The following FHIT variants were observed in gnomAD, a reference collection of about 807,000 sequenced individuals.
The protein encoded by FHIT is fragile histidine triad diadenosine triphosphatase.
A neutral mutation model predicts 17.9 loss-of-function variants in FHIT; 19 were observed. That is an observed-to-expected ratio of 1.06 (90% CI 0.74 to 1.56). The LOEUF (loss-of-function observed/expected upper bound fraction) is 1.56. Among genes scored for constraint, FHIT ranks in the 40% most tolerant of loss-of-function variants. The pLI is 0.00. For synonymous variants in FHIT, 81 were observed against 69.7 expected (o/e 1.16, Z -0.81); for missense variants, 248 against 189.2 (o/e 1.31, Z -1.82).
At chr3:60,284,580 C>T (rs924942822) in intron 5 of FHIT, among the ~76,000 whole-genome samples, 3 of 152,072 alleles carry the variant, frequency 2.0e-5, no homozygotes, top group Admixed American at 1.3e-4. Context: ...TAAAGAGCTA[C>T]ACTTTTTTAA....
At chr3:59,908,011 A>C (rs1170855312) in intron 8 of FHIT, among the ~76,000 whole-genome samples, 1 of 152,196 alleles carries the variant, frequency 6.6e-6, no homozygotes, top group Non-Finnish European at 1.5e-5. Flanking sequence ...TATTGAGTCC[A>C]CTTGGATAAT....
intron 8 of FHIT, among the ~76,000 whole-genome samples, chr3:59,904,749 A>G (rs1351205672): frequency 1.3e-5 from 2 of 152,200 alleles, no homozygotes; most frequent in South Asian, 4.1e-4. Context: ...TGAGTGACGA[A>G]AACAGTTTTT....
At chr3:59,751,586 T>C (rs924774556) in intron 9 of FHIT, 3 of 193,494 alleles carry the variant, frequency 1.6e-5, no homozygotes, top group Non-Finnish European at 3.1e-5. Flanking sequence ...GCTATAGCTA[T>C]CTTTCTACCA....
chr3:60,853,803 C>T (rs1321998166), intron 3 of FHIT, among the ~76,000 whole-genome samples: 1 of 152,052 alleles, frequency 6.6e-6, no homozygotes, highest in African/African-American at 2.4e-5. Flanking sequence ...TAATCACCAA[C>T]AATAAAGCTT....
At chr3:60,357,541 G>A (rs181538489) in intron 5 of FHIT, among the ~76,000 whole-genome samples, 24 of 152,104 alleles carry the variant, frequency 1.6e-4, no homozygotes, top group African/African-American at 5.5e-4. Context: ...CACCACGCCC[G>A]GCCCAATATC....
At chr3:60,052,386 C>T (rs1369245753) in intron 5 of FHIT, among the ~76,000 whole-genome samples, 1 of 152,168 alleles carries the variant, frequency 6.6e-6, no homozygotes, top group Non-Finnish European at 1.5e-5. Flanking sequence ...ATCCTAGAGT[C>T]CTTAGAATCT....
intron 2 of FHIT, among the ~76,000 whole-genome samples, chr3:61,044,264 T>C (rs1003980436): frequency 2.0e-5 from 3 of 152,140 alleles, no homozygotes; most frequent in Admixed American, 6.6e-5. Flanking sequence ...CTAACTAGAA[T>C]AACCAGTGTA....
chr3:60,477,528 T>C (rs777952582), intron 5 of FHIT, among the ~76,000 whole-genome samples: 22 of 152,142 alleles, frequency 1.4e-4, no homozygotes, highest in Non-Finnish European at 3.2e-4. Flanking sequence ...ATGTAATAAT[T>C]TCTATAGATC....
At chr3:59,957,139 G>A (rs12490649) in intron 7 of FHIT, among the ~76,000 whole-genome samples, 7 of 152,134 alleles carry the variant, frequency 4.6e-5, no homozygotes, top group Non-Finnish European at 1.5e-5. Flanking sequence ...CTCATCCCCA[G>A]TACCTCTCAA....
chr3:61,053,931 A>G (rs953891412), intron 2 of FHIT, among the ~76,000 whole-genome samples: 6 of 152,238 alleles, frequency 3.9e-5, no homozygotes. Flanking sequence ...GGCAGTGAGC[A>G]TAATGGCTGG....
chr3:60,522,134 A>G (rs1459243978), intron 5 of FHIT, among the ~76,000 whole-genome samples: 1 of 145,948 alleles, frequency 6.9e-6, no homozygotes, highest in East Asian at 2.0e-4. Flanking sequence ...TCTGACACAG[A>G]GTCTTGCTCT....
chr3:59,789,354 A>G (rs969652622), intron 8 of FHIT, among the ~76,000 whole-genome samples: 7 of 152,224 alleles, frequency 4.6e-5, no homozygotes, highest in African/African-American at 1.7e-4. Context: ...TAAGCTGCAC[A>G]TTTCACGTTC....
chr3:60,837,646 T>C (rs1428098176), intron 3 of FHIT, among the ~76,000 whole-genome samples: 1 of 152,154 alleles, frequency 6.6e-6, no homozygotes, highest in Non-Finnish European at 1.5e-5. Context: ...CCATTTTATT[T>C]TTTGTTTATT....
chr3:60,224,941 G>A (rs1050142176), intron 5 of FHIT, among the ~76,000 whole-genome samples: 1 of 151,804 alleles, frequency 6.6e-6, no homozygotes, highest in Non-Finnish European at 1.5e-5. Flanking sequence ...GACTGGTCTC[G>A]AACTCCTGAC....
chr3:60,871,018 A>G (rs998460826), intron 3 of FHIT, among the ~76,000 whole-genome samples: 6 of 152,136 alleles, frequency 3.9e-5, no homozygotes, highest in African/African-American at 7.2e-5. Flanking sequence ...TTTTCTAAAA[A>G]GATGGCACAA....
intron 4 of FHIT, among the ~76,000 whole-genome samples, chr3:60,801,224 T>C (rs1553732142): frequency 1.3e-5 from 2 of 152,196 alleles, no homozygotes; most frequent in African/African-American, 2.4e-5. Flanking sequence ...TCAGGGGTTA[T>C]TCCGTGGGTT....
intron 4 of FHIT, among the ~76,000 whole-genome samples, chr3:60,679,818 T>G (rs940287071): frequency 4.8e-4 from 72 of 150,782 alleles, no homozygotes; most frequent in African/African-American, 1.6e-3. Context: ...AATGATGGGG[T>G]TTTTTTTGCA....
At chr3:60,636,178 C>A (rs2003794) in intron 4 of FHIT, among the ~76,000 whole-genome samples, 75,326 of 151,790 alleles carry the variant, frequency 0.5, 18,847 homozygotes, top group East Asian at 0.64. Flanking sequence ...TCAAGTGAGT[C>A]TCCTGCTTCA....
At chr3:61,201,147 G>GT (rs1168724681) in intron 1 of FHIT, among the ~76,000 whole-genome samples, 1 of 152,010 alleles carries the variant, frequency 6.6e-6, no homozygotes, top group East Asian at 1.9e-4. Flanking sequence ...CACTTGCTCC[G>GT]TAAGTATATG....
Sources: gnomAD v4.1 joint callset for allele counts (sites outside exome capture counted in the v4.1 genomes callset) on GRCh38, gnomAD v4.1.1 for gene constraint, MANE v1.5 for transcripts, NCBI Gene and HGNC (gene_info 2026-07-23, HGNC 2026-07-21) for gene names.